The following ACOT1 variants were observed in gnomAD, a reference collection of about 807,000 sequenced individuals.
ACOT1 encodes acyl-CoA thioesterase 1.
In ACOT1, 8 loss-of-function variants were observed where a neutral mutation model predicts 15.7. The ratio of observed to expected loss-of-function variants is 0.51; its 90% confidence interval spans 0.30 to 0.92. ACOT1 has a LOEUF of 0.92. Ranked by LOEUF, ACOT1 falls within the 40% of genes least tolerant of loss-of-function variation. The pLI is 0.06. For missense variants in ACOT1, 151 were observed against 539.4 expected (o/e 0.28, Z 7.13); for synonymous variants, 67 against 241.2 (o/e 0.28, Z 6.69).
chr14:73,506,384 A>AT, the ACOT1 span: 1 of 906,764 alleles, frequency 1.1e-6, no homozygotes, highest in Non-Finnish European at 1.8e-6. Flanking sequence ...GAATGGAATA[A>AT]TACATAGCAG....
the ACOT1 span, chr14:73,508,335 G>C: frequency 6.3e-7 from 1 of 1,597,812 alleles, no homozygotes; most frequent in Non-Finnish European, 8.6e-7. Flanking sequence ...ATGGTGATGT[G>C]TTTTCCCCCT....
At chr14:73,499,968 G>A in the ACOT1 span, among the ~76,000 whole-genome samples, 12 of 152,198 alleles carry the variant, frequency 7.9e-5, no homozygotes, top group Non-Finnish European at 1.3e-4. Flanking sequence ...GGTGGCTCAC[G>A]CCTGTAATCC....
At chr14:73,492,850 G>A in the ACOT1 span, 3 of 1,613,952 alleles carry the variant, frequency 1.9e-6, no homozygotes, top group Non-Finnish European at 2.5e-6. This position sits in a 1 kb window ranked among gnomAD's most constrained non-coding sequence, Gnocchi z 4.9. Context: ...TGGGGGACCT[G>A]CCCTGTGACA....
the ACOT1 span, chr14:73,492,279 C>T: frequency 6.2e-7 from 1 of 1,614,062 alleles, no homozygotes. The surrounding 1 kb of genome is among the most constrained non-coding windows in gnomAD (Gnocchi z 4.9). Flanking sequence ...CTCACCTTGT[C>T]CACGTACCAG....
At chr14:73,514,001 T>TGAGAACC in the ACOT1 span, 5 of 1,604,960 alleles carry the variant, frequency 3.1e-6, no homozygotes, top group Non-Finnish European at 3.4e-6. Context: ...CTCACAAACG[T>TGAGAACC]ACAGTATCAC....
At chr14:73,522,828 T>C in the ACOT1 span, 1 of 1,614,218 alleles carries the variant, frequency 6.2e-7, no homozygotes, top group Non-Finnish European at 8.5e-7. Flanking sequence ...CGGGCCTTCC[T>C]GATCTGGGGA....
At chr14:73,495,061 CAA>C in the ACOT1 span, among the ~76,000 whole-genome samples, 5 of 149,522 alleles carry the variant, frequency 3.3e-5, no homozygotes, top group South Asian at 2.1e-4. Flanking sequence ...AACAAACAAA[CAA>C]AAAAAAAACA....
the ACOT1 span, among the ~76,000 whole-genome samples, chr14:73,508,538 C>G: frequency 8.4e-3 from 1,279 of 152,154 alleles, 14 homozygotes; most frequent in African/African-American, 0.029. Flanking sequence ...CACCTAAGGT[C>G]AGGAGTTCAA....
At chr14:73,522,032 G>A in the ACOT1 span, among the ~76,000 whole-genome samples, 3 of 152,226 alleles carry the variant, frequency 2.0e-5, no homozygotes, top group Non-Finnish European at 4.4e-5. Context: ...AGCCAGGGAT[G>A]CTGCTTGCAT....
the ACOT1 span, chr14:73,500,495 G>T: frequency 6.5e-7 from 1 of 1,544,576 alleles, no homozygotes; most frequent in Non-Finnish European, 8.8e-7. Context: ...ACCAGGGAAG[G>T]TAATGCCCTC....
the ACOT1 span, chr14:73,512,143 T>G: frequency 3.1e-6 from 5 of 1,614,126 alleles, no homozygotes; most frequent in Non-Finnish European, 4.2e-6. Context: ...ATGGTGCCAC[T>G]CTATGACTGA....
the ACOT1 span, chr14:73,520,867 G>C: frequency 1.2e-6 from 2 of 1,613,800 alleles, no homozygotes; most frequent in Non-Finnish European, 1.7e-6. Flanking sequence ...TAAATCTCCT[G>C]TTCAAAGGTG....
At chr14:73,500,772 T>C in the ACOT1 span, 1 of 1,586,232 alleles carries the variant, frequency 6.3e-7, no homozygotes, top group South Asian at 1.1e-5. Flanking sequence ...CCTTAAACTT[T>C]CAGTACCTAA....
the ACOT1 span, chr14:73,493,237 G>C: frequency 4.9e-6 from 4 of 823,198 alleles, no homozygotes; most frequent in Non-Finnish European, 8.0e-6. Flanking sequence ...GGGTAACACT[G>C]ACCATGTCGT....
chr14:73,506,177 C>A, the ACOT1 span, among the ~76,000 whole-genome samples: 1 of 152,194 alleles, frequency 6.6e-6, no homozygotes, highest in Non-Finnish European at 1.5e-5. Flanking sequence ...ATGTGAGCCA[C>A]CGCACCCGGC....
At chr14:73,536,936 C>T (rs1281478631), upstream of ACOT1, among the ~76,000 whole-genome samples, 2 of 112,994 alleles carry the variant, frequency 1.8e-5, 1 homozygote. Flanking sequence ...CATTCCTCTT[C>T]GCCATCAGGA....
chr14:73,501,276 G>A, the ACOT1 span, among the ~76,000 whole-genome samples: 248 of 151,866 alleles, frequency 1.6e-3, no homozygotes, highest in African/African-American at 5.7e-3. Context: ...CCACCACCAC[G>A]CCTGGCTAAT....
chr14:73,491,654 A>T, the ACOT1 span: 1 of 1,549,488 alleles, frequency 6.5e-7, no homozygotes, highest in Non-Finnish European at 8.7e-7. Context: ...CATCGCGCCC[A>T]TGCCGCCAGA....
the ACOT1 span, chr14:73,491,982 T>C: frequency 3.7e-6 from 6 of 1,613,952 alleles, no homozygotes; most frequent in Middle Eastern, 1.6e-4. Flanking sequence ...TTTGGAAGCA[T>C]GGCAGGCTCC....
Sources: gnomAD v4.1 joint callset for allele counts (sites outside exome capture counted in the v4.1 genomes callset) on GRCh38, gnomAD v4.1.1 for gene constraint, Gnocchi (gnomAD v3.1) non-coding constraint, MANE v1.5 for transcripts, NCBI Gene and HGNC (gene_info 2026-07-23, HGNC 2026-07-21) for gene names.